The following KCNJ3 variants were observed in gnomAD, a reference collection of about 807,000 sequenced individuals.
KCNJ3 encodes the protein G protein-activated inward rectifier potassium channel 1.
A neutral mutation model predicts 39.2 loss-of-function variants in KCNJ3; 4 were observed. That is an observed-to-expected ratio of 0.10 (90% CI 0.05 to 0.23). The LOEUF is 0.23. Among genes scored for constraint, KCNJ3 ranks in the 10% least tolerant of loss-of-function variants. The probability of loss-of-function intolerance (pLI) is 1.00; values close to 1 mark genes in which losing one functional copy is unlikely to be tolerated. For synonymous variants in KCNJ3, 230 were observed against 237.4 expected, an observed-to-expected ratio of 0.97 and a Z score of 0.29; for missense variants, 276 against 634.9, an observed-to-expected ratio of 0.43 and a Z score of 6.08.
chr2:154,720,781 G>A (rs758354089), intron 2 of KCNJ3, among the ~76,000 whole-genome samples: 3 of 152,126 alleles, frequency 2.0e-5, no homozygotes, highest in Admixed American at 6.5e-5. Context: ...GTATGTGTAT[G>A]TGTATGAGCT....
intron 2 of KCNJ3, among the ~76,000 whole-genome samples, chr2:154,835,343 T>C (rs2197487): frequency 1.2e-4 from 12 of 101,062 alleles, no homozygotes; most frequent in East Asian, 7.8e-4. Context: ...TTATTTTCTT[T>C]TTTTTGTTTA....
chr2:154,844,086 T>C (rs1687624950), intron 2 of KCNJ3, among the ~76,000 whole-genome samples: 1 of 152,256 alleles, frequency 6.6e-6, no homozygotes, highest in Non-Finnish European at 1.5e-5. Flanking sequence ...TGGTTTTATC[T>C]GCCTTTGGTC....
chr2:154,735,383 G>A (rs780400244), intron 2 of KCNJ3, among the ~76,000 whole-genome samples: 42 of 151,916 alleles, frequency 2.8e-4, no homozygotes, highest in Non-Finnish European at 5.6e-4. Context: ...CAAAGTGTTG[G>A]GATTACAGGC....
chr2:154,830,939 A>G (rs1423669537), intron 2 of KCNJ3, among the ~76,000 whole-genome samples: 1 of 152,160 alleles, frequency 6.6e-6, no homozygotes, highest in Non-Finnish European at 1.5e-5. Context: ...CATCATTGCA[A>G]CAATAAGAAA....
chr2:154,827,243 C>T (rs747114115), intron 2 of KCNJ3, among the ~76,000 whole-genome samples: 1 of 152,160 alleles, frequency 6.6e-6, no homozygotes, highest in Non-Finnish European at 1.5e-5. Context: ...CTCCTAAAGG[C>T]AAAGCGCTCT....
chr2:154,735,560 AT>A (rs1220365649), intron 2 of KCNJ3, among the ~76,000 whole-genome samples: 2 of 152,156 alleles, frequency 1.3e-5, no homozygotes, highest in Non-Finnish European at 2.9e-5. Context: ...GTTTAATAAA[AT>A]TCTCTATTAT....
At chr2:154,807,681 ATGTTTCTGAT>A (rs1352483843) in intron 2 of KCNJ3, among the ~76,000 whole-genome samples, 4 of 152,126 alleles carry the variant, frequency 2.6e-5, no homozygotes, top group African/African-American at 9.7e-5. Context: ...TTGCCTCTTA[ATGTTTCTGAT>A]TGACTCCTTG....
intron 2 of KCNJ3, among the ~76,000 whole-genome samples, chr2:154,735,177 C>G (rs865985898): frequency 4.6e-5 from 7 of 152,038 alleles, no homozygotes; most frequent in African/African-American, 2.4e-5. Context: ...AGCTCCGCCT[C>G]CCAGGTTCAC....
intron 2 of KCNJ3, among the ~76,000 whole-genome samples, chr2:154,740,687 TCTC>T (rs1390323631): frequency 6.6e-6 from 1 of 151,958 alleles, no homozygotes. Flanking sequence ...CTCTTTTTAA[TCTC>T]CTTTCTATAT....
intron 2 of KCNJ3, among the ~76,000 whole-genome samples, chr2:154,777,054 A>ACACG (rs1244839535): frequency 6.6e-6 from 1 of 151,894 alleles, no homozygotes; most frequent in Non-Finnish European, 1.5e-5. Flanking sequence ...ACACACACAC[A>ACACG]CACACACTCA....
At chr2:154,842,045 T>A (rs1687586396) in intron 2 of KCNJ3, among the ~76,000 whole-genome samples, 1 of 152,230 alleles carries the variant, frequency 6.6e-6, no homozygotes, top group African/African-American at 2.4e-5. Context: ...GGTGTCGATC[T>A]TAGATCTTTC....
chr2:154,847,744 C>A, intron 2 of KCNJ3, among the ~76,000 whole-genome samples: 1 of 152,126 alleles, frequency 6.6e-6, no homozygotes, highest in East Asian at 1.9e-4. Flanking sequence ...CTTTTAAAAT[C>A]AGCAGGGTGG....
intron 2 of KCNJ3, among the ~76,000 whole-genome samples, chr2:154,717,727 A>C (rs114955374): frequency 4.6e-5 from 7 of 152,162 alleles, no homozygotes; most frequent in Admixed American, 3.3e-4. Flanking sequence ...GGAATTTTCT[A>C]ATGAATATAT....
At chr2:154,715,014 T>C (rs1350743666) in intron 2 of KCNJ3, among the ~76,000 whole-genome samples, 1 of 151,512 alleles carries the variant, frequency 6.6e-6, no homozygotes, top group Non-Finnish European at 1.5e-5. Context: ...AAACTCAGTA[T>C]TTTGAGCAAA....
intron 2 of KCNJ3, among the ~76,000 whole-genome samples, chr2:154,802,659 A>C (rs1686839921): frequency 6.6e-6 from 1 of 152,146 alleles, no homozygotes; most frequent in Admixed American, 6.6e-5. Context: ...TTTCATATAC[A>C]TAATAACTCA....
intron 2 of KCNJ3, among the ~76,000 whole-genome samples, chr2:154,798,434 T>C (rs141230601): frequency 3.9e-5 from 6 of 152,300 alleles, no homozygotes; most frequent in Admixed American, 1.3e-4. Context: ...TTCTAAAGTC[T>C]ATCTGGAAGA....
intron 2 of KCNJ3, among the ~76,000 whole-genome samples, chr2:154,783,034 C>T (rs2652440): frequency 0.23 from 34,471 of 151,780 alleles, 4,985 homozygotes; most frequent in East Asian, 0.44. Context: ...AAAAATTAGC[C>T]GGGCGTGGTC....
At chr2:154,781,793 T>G (rs541572527) in intron 2 of KCNJ3, among the ~76,000 whole-genome samples, 1 of 152,330 alleles carries the variant, frequency 6.6e-6, no homozygotes, top group South Asian at 2.1e-4. Context: ...GAGATTATGA[T>G]GTAAATGTGG....
Position 154,766,403 on chromosome 2 carries a change from T to C in KCNJ3, c.919+56584T>C, listed in dbSNP as rs527495519. On this transcript the variant is annotated intron_variant, in intron 2 of 2. Coordinates refer to ENST00000295101, the MANE Select transcript of KCNJ3 (RefSeq NM_002239.4). ...CAAGAAACTTAGGAAAGATAAAGGT[T>C]GCAGGTTTTCTTCTGCTGTGATGCT... is the stretch of plus-strand genomic sequence containing the variant. Among the ~76,000 whole-genome samples, 21 of 152,270 alleles carry C rather than the reference T, an allele frequency of 1.4e-4. No individual in the cohort carries two copies. In the South Asian group the frequency reaches 3.7e-3, roughly 27 times the overall value.
Sources: allele counts gnomAD v4.1 joint callset (sites outside exome capture counted in the v4.1 genomes callset), GRCh38; gene constraint gnomAD v4.1.1; transcripts MANE v1.5; gene names NCBI Gene and HGNC (gene_info 2026-07-23, HGNC 2026-07-21).